The following RANBP2 variants were observed in gnomAD, a reference collection of about 807,000 sequenced individuals.
RANBP2 encodes E3 SUMO-protein ligase RanBP2.
RANBP2 carries 57 observed loss-of-function variants against 303.6 expected under a neutral mutation model. The observed-to-expected ratio is 0.19, with a 90% CI of 0.15 to 0.23. The LOEUF is 0.23. Among genes scored for constraint, RANBP2 ranks in the 10% least tolerant of loss-of-function variants. The probability of loss-of-function intolerance (pLI) is 1.00; values close to 1 mark genes in which losing one functional copy is unlikely to be tolerated. For missense variants in RANBP2, 3,138 were observed against 3,780.8 expected (o/e 0.83, Z 4.46); for synonymous variants, 1,167 against 1,301.5 (o/e 0.90, Z 2.23).
chr2:108,940,871 A>G, the RANBP2 span, among the ~76,000 whole-genome samples: 1 of 152,212 alleles, frequency 6.6e-6, no homozygotes, highest in South Asian at 2.1e-4. Flanking sequence ...TTTAAAACTA[A>G]TCACGTTTAT....
the RANBP2 span, among the ~76,000 whole-genome samples, chr2:109,322,039 C>T: frequency 3.9e-5 from 6 of 152,012 alleles, no homozygotes; most frequent in African/African-American, 1.4e-4. Context: ...AATAAGTCAC[C>T]TTGGCAACTG....
the RANBP2 span, among the ~76,000 whole-genome samples, chr2:109,323,737 T>C: frequency 2.6e-5 from 4 of 152,268 alleles, no homozygotes; most frequent in Admixed American, 2.6e-4. Context: ...AGAGTGGGCA[T>C]GAGGATGCTT....
chr2:109,095,143 GGGAACATGT>G, the RANBP2 span, among the ~76,000 whole-genome samples: 1 of 149,400 alleles, frequency 6.7e-6, no homozygotes, highest in Non-Finnish European at 1.5e-5. Context: ...GATAAGGCCT[GGGAACATGT>G]GGAGTTAGTC....
chr2:109,129,049 C>G, the RANBP2 span: 1 of 414,310 alleles, frequency 2.4e-6, no homozygotes, highest in East Asian at 1.1e-4. Context: ...GACTAGCGAG[C>G]AGGCCAGGGG....
the RANBP2 span, among the ~76,000 whole-genome samples, chr2:109,242,124 C>G: frequency 6.6e-6 from 1 of 152,016 alleles, no homozygotes; most frequent in Non-Finnish European, 1.5e-5. Flanking sequence ...TCCTGTTTTC[C>G]CTGGTCATGG....
the RANBP2 span, among the ~76,000 whole-genome samples, chr2:109,456,484 C>G: frequency 1.3e-5 from 2 of 152,240 alleles, no homozygotes; most frequent in African/African-American, 2.4e-5. Flanking sequence ...CAACCTTTCT[C>G]TAAGTTAGGA....
intron 7 of RANBP2, among the ~76,000 whole-genome samples, chr2:108,741,266 G>C (rs995752628): frequency 6.6e-6 from 1 of 151,496 alleles, no homozygotes; most frequent in Admixed American, 6.6e-5. Flanking sequence ...GCGTGATCTC[G>C]GCTCACTGCA....
the RANBP2 span, among the ~76,000 whole-genome samples, chr2:108,861,472 C>CTTTTTTTTTTTTTTTTTTTTTTTTTTT: frequency 8.1e-6 from 1 of 123,552 alleles, no homozygotes; most frequent in South Asian, 2.7e-4. Flanking sequence ...AACTTTCTTC[C>CTTTTTTTTTTTTTTTTTTTTTTTTTTT]TTTTTTTTTT....
At chr2:108,890,966 A>G in the RANBP2 span, among the ~76,000 whole-genome samples, 1 of 152,066 alleles carries the variant, frequency 6.6e-6, no homozygotes, top group South Asian at 2.1e-4. Flanking sequence ...TTTCAAATGT[A>G]TTATATATTT....
At chr2:109,350,917 C>T in the RANBP2 span, among the ~76,000 whole-genome samples, 2 of 152,224 alleles carry the variant, frequency 1.3e-5, no homozygotes, top group African/African-American at 4.8e-5. Flanking sequence ...TGCCTTTATA[C>T]AGCATCACTG....
the RANBP2 span, among the ~76,000 whole-genome samples, chr2:109,295,607 C>T: frequency 6.6e-6 from 1 of 152,334 alleles, no homozygotes; most frequent in East Asian, 1.9e-4. Flanking sequence ...CTTGTAGCCA[C>T]CTGCAAGTGC....
chr2:109,622,147 A>G, the RANBP2 span, among the ~76,000 whole-genome samples: 15 of 152,138 alleles, frequency 9.9e-5, no homozygotes, highest in Non-Finnish European at 2.2e-4. Context: ...TTTAACTCTC[A>G]TAATACCCCT....
the RANBP2 span, among the ~76,000 whole-genome samples, chr2:109,328,819 T>G: frequency 6.6e-6 from 1 of 152,226 alleles, no homozygotes; most frequent in Non-Finnish European, 1.5e-5. Context: ...ATATTTCACC[T>G]GAACACAGTG....
At chr2:109,017,461 G>A in the RANBP2 span, among the ~76,000 whole-genome samples, 14 of 152,224 alleles carry the variant, frequency 9.2e-5, no homozygotes, top group Non-Finnish European at 1.8e-4. Context: ...ACAGGATGGC[G>A]TGGGGTCGCT....
chr2:109,086,427 ACAAGCC>A, the RANBP2 span, among the ~76,000 whole-genome samples: 2 of 152,178 alleles, frequency 1.3e-5, no homozygotes, highest in African/African-American at 2.4e-5. Flanking sequence ...AATTCTCCAA[ACAAGCC>A]CAAGGATTGG....
At chr2:109,362,929 T>G in the RANBP2 span, among the ~76,000 whole-genome samples, 1 of 152,220 alleles carries the variant, frequency 6.6e-6, no homozygotes, top group Non-Finnish European at 1.5e-5. Context: ...TTCATTGATT[T>G]GCTGTTAATC....
At chr2:109,444,782 A>G in the RANBP2 span, among the ~76,000 whole-genome samples, 1 of 152,232 alleles carries the variant, frequency 6.6e-6, no homozygotes, top group Non-Finnish European at 1.5e-5. Flanking sequence ...GAGCTGGCAC[A>G]TTAAGATTTC....
intron 8 of RANBP2, among the ~76,000 whole-genome samples, 158 bp from the exon 9 acceptor site, chr2:108,748,762 A>G (rs955380193): frequency 6.6e-6 from 1 of 152,202 alleles, no homozygotes; most frequent in East Asian, 1.9e-4. Context: ...CATTTGCTAC[A>G]TAAGCACCGG....
chr2:109,447,720 T>C, the RANBP2 span, among the ~76,000 whole-genome samples: 1 of 152,190 alleles, frequency 6.6e-6, no homozygotes, highest in African/African-American at 2.4e-5. Context: ...AGGAGATAAT[T>C]CCCTGAAATT....
Sources: gnomAD v4.1 joint callset for allele counts (sites outside exome capture counted in the v4.1 genomes callset) on GRCh38, gnomAD v4.1.1 for gene constraint, MANE v1.5 for transcripts, NCBI Gene and HGNC (gene_info 2026-07-23, HGNC 2026-07-21) for gene names.